NELL1: variants seen among roughly 807,000 people sequenced by gnomAD.
NELL1 encodes protein kinase C-binding protein NELL1.
Under a neutral mutation model 107.4 loss-of-function variants are expected in NELL1, and 76 were observed. That is an observed-to-expected ratio of 0.71 (90% CI 0.59 to 0.86). The LOEUF is 0.86. Ranked by LOEUF, NELL1 falls within the 40% of genes least tolerant of loss-of-function variation. The pLI, the probability that NELL1 is intolerant of heterozygous loss-of-function variation, is 0.00. For missense variants in NELL1, 1,024 were observed against 1,005.5 expected, an observed-to-expected ratio of 1.02 and a Z score of -0.25; for synonymous variants, 353 against 341.2, an observed-to-expected ratio of 1.03 and a Z score of -0.38.
chr11:21,451,445 T>A (rs969969677), intron 15 of NELL1, among the ~76,000 whole-genome samples: 1 of 152,000 alleles, frequency 6.6e-6, no homozygotes, highest in Non-Finnish European at 1.5e-5. Flanking sequence ...AAAACCTGGG[T>A]TTTTTCCTGG....
In NELL1 at chr11:21,212,194, T is replaced by C. The variant is rs570091286; in HGVS notation, c.1427-17138T>C. Among the ~76,000 whole-genome samples the C allele has an allele frequency of 3.9e-5, 6 of 152,230 alleles. No homozygotes were observed. In the South Asian group the frequency reaches 1.2e-3, roughly 32 times the overall value. ...ATCATATTAATATAATATTAGGCCA[T>C]ATACAACCTCCCTGTCCCCATTTAT... On this transcript the variant is annotated intron_variant, in intron 13 of 19. Transcript: ENST00000357134.
intron 14 of NELL1, among the ~76,000 whole-genome samples, chr11:21,302,591 T>C (rs762313307): frequency 1.3e-5 from 2 of 152,046 alleles, no homozygotes; most frequent in Non-Finnish European, 2.9e-5. Flanking sequence ...TGCCTTTAGA[T>C]AGAAATGTAG....
intron 13 of NELL1, among the ~76,000 whole-genome samples, chr11:21,115,664 G>T (rs1241468017): frequency 2.6e-5 from 4 of 151,766 alleles, no homozygotes; most frequent in African/African-American, 9.7e-5. Flanking sequence ...TGCCTCATGA[G>T]AACCGCCCTC....
intron 13 of NELL1, among the ~76,000 whole-genome samples, chr11:21,127,443 AT>A (rs952698691): frequency 1.3e-5 from 2 of 152,232 alleles, no homozygotes; most frequent in African/African-American, 4.8e-5. Context: ...AAAGAAAAAA[AT>A]TTAAAAAATT....
chr11:21,341,319 C>A (rs780464049), intron 14 of NELL1, among the ~76,000 whole-genome samples: 1 of 152,184 alleles, frequency 6.6e-6, no homozygotes, highest in Non-Finnish European at 1.5e-5. Flanking sequence ...AAACTATTGA[C>A]TATGAGAAAT....
intron 14 of NELL1, among the ~76,000 whole-genome samples, chr11:21,333,054 C>T (rs1850307256): frequency 6.6e-6 from 1 of 151,964 alleles, no homozygotes; most frequent in South Asian, 2.1e-4. Context: ...TTTTAGAATT[C>T]ATGTATATCA....
At chr11:21,244,234 A>G (rs1858434844) in intron 14 of NELL1, among the ~76,000 whole-genome samples, 1 of 152,168 alleles carries the variant, frequency 6.6e-6, no homozygotes, top group Non-Finnish European at 1.5e-5. Flanking sequence ...TTTAAGATCA[A>G]TTTCATATTA....
At chr11:20,977,202 T>C (rs183614773) in intron 12 of NELL1, among the ~76,000 whole-genome samples, 218 of 152,116 alleles carry the variant, frequency 1.4e-3, no homozygotes, top group African/African-American at 5.0e-3. Flanking sequence ...TATTTTATAG[T>C]TGAGGAAACT....
intron 2 of NELL1, among the ~76,000 whole-genome samples, chr11:20,696,691 TC>T (rs1284149881): frequency 6.6e-6 from 1 of 152,146 alleles, no homozygotes; most frequent in African/African-American, 2.4e-5. Context: ...TTGGTCTACA[TC>T]TTACCATTTA....
chr11:21,470,092 A>G (rs1187316511), intron 15 of NELL1, among the ~76,000 whole-genome samples: 1 of 152,060 alleles, frequency 6.6e-6, no homozygotes, highest in Non-Finnish European at 1.5e-5. Context: ...AGTTTTCTTT[A>G]TGAACTCATT....
At chr11:21,515,718 A>G (rs1855544389) in intron 15 of NELL1, among the ~76,000 whole-genome samples, 1 of 152,182 alleles carries the variant, frequency 6.6e-6, no homozygotes, top group Admixed American at 6.5e-5. Context: ...TGTTATTGCT[A>G]AGCCTCCAAG....
intron 16 of NELL1, among the ~76,000 whole-genome samples, chr11:21,547,472 T>A (rs757998930): frequency 4.6e-5 from 7 of 151,940 alleles, no homozygotes; most frequent in Non-Finnish European, 8.8e-5. Context: ...TGTTCTAAGC[T>A]GAGGAGTTGC....
intron 14 of NELL1, among the ~76,000 whole-genome samples, chr11:21,309,284 A>ATATATATG (rs1554999547): frequency 1.6e-5 from 1 of 62,782 alleles, no homozygotes; most frequent in African/African-American, 1.2e-4. Flanking sequence ...ATATATGTAT[A>ATATATATG]TATATATATA....
chr11:20,838,007 G>A (rs1049283697), intron 3 of NELL1, among the ~76,000 whole-genome samples: 3 of 151,932 alleles, frequency 2.0e-5, no homozygotes, highest in Non-Finnish European at 4.4e-5. Flanking sequence ...AACTGGTAGG[G>A]GGAAGAGTAT....
chr11:20,802,516 G>A (rs1365530880), intron 3 of NELL1, among the ~76,000 whole-genome samples: 1 of 151,654 alleles, frequency 6.6e-6, no homozygotes, highest in African/African-American at 2.4e-5. Context: ...CTGTAAACAA[G>A]GATAATTTGA....
At chr11:20,806,576 T>G (rs1857389225) in intron 3 of NELL1, among the ~76,000 whole-genome samples, 1 of 152,164 alleles carries the variant, frequency 6.6e-6, no homozygotes, top group South Asian at 2.1e-4. Context: ...ATTGACAACT[T>G]CCTCTAGATT....
chr11:21,454,402 G>C (rs376934076), intron 15 of NELL1, among the ~76,000 whole-genome samples: 2 of 151,912 alleles, frequency 1.3e-5, no homozygotes, highest in Non-Finnish European at 2.9e-5. Flanking sequence ...TGTGCATGTG[G>C]CTTTATAGCA....
intron 14 of NELL1, among the ~76,000 whole-genome samples, chr11:21,235,849 A>C (rs147265664): frequency 6.6e-6 from 1 of 152,304 alleles, no homozygotes; most frequent in East Asian, 1.9e-4. Flanking sequence ...AGTGGGCTAC[A>C]GAATAATGGA....
At chr11:21,279,288 A>G (rs1414482368) in intron 14 of NELL1, among the ~76,000 whole-genome samples, 1 of 152,184 alleles carries the variant, frequency 6.6e-6, no homozygotes, top group Admixed American at 6.5e-5. Flanking sequence ...TAAATTTGTA[A>G]CGTTTGTTCT....
Sources: gnomAD v4.1 joint callset for allele counts (sites outside exome capture counted in the v4.1 genomes callset) on GRCh38, gnomAD v4.1.1 for gene constraint, MANE v1.5 for transcripts, NCBI Gene and HGNC (gene_info 2026-07-23, HGNC 2026-07-21) for gene names.